ASTN2: variants seen among roughly 807,000 people sequenced by gnomAD.
ASTN2 encodes astrotactin-2.
A neutral mutation model predicts 139.8 loss-of-function variants in ASTN2; 54 were observed. The ratio of observed to expected loss-of-function variants is 0.39; its 90% CI spans 0.31 to 0.48. The LOEUF (loss-of-function observed/expected upper bound fraction) is 0.48, where lower values mean the gene tolerates loss of function less well. Ranked by LOEUF, ASTN2 falls within the 20% of genes least tolerant of loss-of-function variation. ASTN2 has a pLI of 0.95. For missense variants in ASTN2, 1,565 were observed against 1,725.1 expected (o/e 0.91, Z 1.64); for synonymous variants, 756 against 719.5 (o/e 1.05, Z -0.81).
intron 12 of ASTN2, among the ~76,000 whole-genome samples, chr9:116,809,991 A>T (rs1564280025): frequency 6.6e-6 from 1 of 152,188 alleles, no homozygotes; most frequent in Non-Finnish European, 1.5e-5. Context: ...TTCCCTTGTT[A>T]TGGCAAGCTT....
intron 5 of ASTN2, among the ~76,000 whole-genome samples, chr9:117,057,876 C>T (rs975168180): frequency 2.0e-5 from 3 of 152,142 alleles, no homozygotes; most frequent in Non-Finnish European, 2.9e-5. Flanking sequence ...TATCAGGTTC[C>T]TCCAAAGATA....
intron 3 of ASTN2, among the ~76,000 whole-genome samples, chr9:117,194,440 C>T (rs1371311766): frequency 6.6e-6 from 1 of 152,142 alleles, no homozygotes; most frequent in Non-Finnish European, 1.5e-5. Context: ...TACAAAAATG[C>T]CATCAAAAGA....
intron 1 of ASTN2, among the ~76,000 whole-genome samples, chr9:117,385,776 TAAAAAGGGAC>T (rs1830379449): frequency 6.6e-6 from 1 of 150,526 alleles, no homozygotes; most frequent in African/African-American, 2.4e-5. Context: ...GAAAGAGTGA[TAAAAAGGGAC>T]AAAAAGGAAA....
chr9:116,682,835 A>G (rs1213584354), intron 16 of ASTN2, among the ~76,000 whole-genome samples: 1 of 152,026 alleles, frequency 6.6e-6, no homozygotes, highest in Non-Finnish European at 1.5e-5. Context: ...ATGAGAACAC[A>G]TGGACACAGG....
chr9:116,483,897 C>T (rs1047249564), intron 20 of ASTN2, among the ~76,000 whole-genome samples: 4 of 152,176 alleles, frequency 2.6e-5, no homozygotes, highest in African/African-American at 9.7e-5. Flanking sequence ...AGGGCATGAG[C>T]CCAGATTCCC....
chr9:117,350,164 C>T (rs1829343176), intron 1 of ASTN2, among the ~76,000 whole-genome samples: 1 of 152,036 alleles, frequency 6.6e-6, no homozygotes, highest in Non-Finnish European at 1.5e-5. Flanking sequence ...TAAAACATTT[C>T]CAAAATTAAA....
chr9:116,775,046 G>C (rs747693902), intron 13 of ASTN2, among the ~76,000 whole-genome samples: 3 of 152,192 alleles, frequency 2.0e-5, no homozygotes, highest in Non-Finnish European at 2.9e-5. Flanking sequence ...CTGTGGCTGA[G>C]TCACTGAGAC....
chr9:117,383,847 T>TA (rs1445323660), intron 1 of ASTN2, among the ~76,000 whole-genome samples: 1 of 152,234 alleles, frequency 6.6e-6, no homozygotes, highest in African/African-American at 2.4e-5. Context: ...GGAGATTTGT[T>TA]ACGCTCAGCT....
intron 12 of ASTN2, among the ~76,000 whole-genome samples, chr9:116,812,280 G>A (rs1436923687): frequency 6.6e-6 from 1 of 152,162 alleles, no homozygotes; most frequent in East Asian, 1.9e-4. Context: ...TTTGAAGATG[G>A]GATTAAGTAA....
chr9:116,591,791 T>A (rs1486063661), intron 19 of ASTN2, among the ~76,000 whole-genome samples: 1 of 152,168 alleles, frequency 6.6e-6, no homozygotes. Context: ...AGCTGGTAAT[T>A]TGTTTCTTGA....
chr9:116,963,046 CATAGACTA>C (rs1452066991), intron 10 of ASTN2, among the ~76,000 whole-genome samples: 2 of 152,290 alleles, frequency 1.3e-5, no homozygotes, highest in East Asian at 3.9e-4. Flanking sequence ...TCCAGGAACA[CATAGACTA>C]CCAGGTGAGG....
At chr9:116,512,888 G>A (rs1041357730) in intron 19 of ASTN2, among the ~76,000 whole-genome samples, 2 of 152,144 alleles carry the variant, frequency 1.3e-5, no homozygotes, top group African/African-American at 4.8e-5. Context: ...TTGAGCCTAT[G>A]TGTGTCTCTG....
intron 12 of ASTN2, among the ~76,000 whole-genome samples, chr9:116,813,977 G>A (rs1329067596): frequency 1.3e-5 from 2 of 151,240 alleles, no homozygotes; most frequent in Non-Finnish European, 1.5e-5. Context: ...AGGTGGTTGC[G>A]GTGAACTGAG....
intron 16 of ASTN2, among the ~76,000 whole-genome samples, chr9:116,718,972 GTACATATATA>G (rs753040814): frequency 0.016 from 1,560 of 100,054 alleles, 125 homozygotes; most frequent in Non-Finnish European, 0.023. Flanking sequence ...ACCTGTATCT[GTACATATATA>G]TATATATATC....
Position 117,149,420 on chromosome 9 carries a change from T to A in ASTN2, c.1016-7942A>T, listed in dbSNP as rs181189389. ...TAATAGGGTGTTGTGTGTGTTTGTG[T>A]GTGTGTGTGTGTTTGTGTGTGTGTG... On this transcript the variant is annotated intron_variant, in intron 3 of 22. Coordinates refer to ENST00000313400, the MANE Select transcript of ASTN2 (RefSeq NM_001365068.1). Among the ~76,000 whole-genome samples, 658 of 152,044 alleles carry A rather than the reference T, an allele frequency of 4.3e-3. 3 individuals carry two copies. Among genetic ancestry groups the A allele is most frequent in the African/African-American group, 0.015 (614 of 41,472 alleles).
At chr9:117,143,980 T>C (rs565858665) in intron 3 of ASTN2, among the ~76,000 whole-genome samples, 13 of 152,206 alleles carry the variant, frequency 8.5e-5, no homozygotes, top group Non-Finnish European at 1.9e-4. Flanking sequence ...AATTTATATG[T>C]TGGAGCCTTA....
chr9:117,125,689 G>A (rs1220704001), intron 4 of ASTN2, among the ~76,000 whole-genome samples: 1 of 152,198 alleles, frequency 6.6e-6, no homozygotes, highest in Non-Finnish European at 1.5e-5. Context: ...CTAACTGCGA[G>A]AGAATAATTA....
At chr9:117,325,354 C>T (rs1828479915) in intron 1 of ASTN2, among the ~76,000 whole-genome samples, 1 of 152,122 alleles carries the variant, frequency 6.6e-6, no homozygotes, top group African/African-American at 2.4e-5. Context: ...GACAGTTGCC[C>T]TCCTCCTGTC....
chr9:117,382,869 C>G (rs954186199), intron 1 of ASTN2, among the ~76,000 whole-genome samples: 1 of 152,090 alleles, frequency 6.6e-6, no homozygotes, highest in East Asian at 1.9e-4. Flanking sequence ...TGTGAACCAT[C>G]CATATACACA....
Sources: gnomAD v4.1 joint callset for allele counts (sites outside exome capture counted in the v4.1 genomes callset) on GRCh38, gnomAD v4.1.1 for gene constraint, MANE v1.5 for transcripts, NCBI Gene and HGNC (gene_info 2026-07-23, HGNC 2026-07-21) for gene names.